Variants in HPGD observed in about 807,000 individuals in gnomAD.
The protein encoded by HPGD is 15-hydroxyprostaglandin dehydrogenase [NAD(+)].
In HPGD, 29 loss-of-function variants were observed where a neutral mutation model predicts 30.0. The observed-to-expected ratio is 0.97, with a 90% CI of 0.72 to 1.32. The LOEUF is 1.32. Among genes scored for constraint, HPGD ranks in the 40% most tolerant of loss-of-function variants. The pLI, the probability that HPGD is intolerant of heterozygous loss-of-function variation, is 0.00. For synonymous variants in HPGD, 99 were observed against 112.4 expected, an observed-to-expected ratio of 0.88 and a Z score of 0.75; for missense variants, 340 against 322.1, an observed-to-expected ratio of 1.06 and a Z score of -0.43.
intron 3 of HPGD, 143 bp from the exon 4 acceptor site, chr4:174,508,935 T>C (rs45495596): frequency 0.012 from 8,232 of 668,956 alleles, 78 homozygotes; most frequent in Non-Finnish European, 0.017. Context: ...AAGAGCTTTG[T>C]TTTTAAAGTT....
chr4:174,513,369 A>C (rs3797012), intron 3 of HPGD, among the ~76,000 whole-genome samples: 18,650 of 152,120 alleles, frequency 0.12, 1,275 homozygotes, highest in East Asian at 0.24. Flanking sequence ...TATTTTCAAA[A>C]TTTTTGTTTT....
At chr4:174,509,833 T>C (rs1171481811) in intron 3 of HPGD, among the ~76,000 whole-genome samples, 3 of 152,060 alleles carry the variant, frequency 2.0e-5, no homozygotes, top group African/African-American at 7.2e-5. Context: ...TGCTTACAGC[T>C]ATCCTTTTGA....
chr4:174,520,861 C>T (rs45513697), intron 2 of HPGD, among the ~76,000 whole-genome samples: 2,224 of 152,266 alleles, frequency 0.015, 29 homozygotes, highest in Non-Finnish European at 0.023. Context: ...TCTGCTCATG[C>T]TTGTCATCTG....
At position 174,522,355 on chromosome 4, in the gene HPGD, T is replaced by TTAC. The variant is rs70947447; in HGVS notation, c.93+1_93+3dup. On this transcript the variant is annotated splice_donor_region_variant and intron_variant, in intron 1 of 6. Coordinates refer to ENST00000296522, the MANE Select transcript of HPGD (RefSeq NM_000860.6). ...AAATTTCCGCGGCTGGGCGCCGGGC[T>TTAC]TACCTTGGCGCCCTTAAGCAGCAGC... 1.8e-3 allele frequency: 2,852 copies of TTAC among 1,558,978 alleles called. 19 individuals are homozygous for TTAC. The Middle Eastern group carries it at 0.025, about 14-fold the overall frequency.
At chr4:174,499,935 A>T (rs1450129242) in intron 4 of HPGD, among the ~76,000 whole-genome samples, 1 of 151,196 alleles carries the variant, frequency 6.6e-6, no homozygotes, top group Non-Finnish European at 1.5e-5. Flanking sequence ...TAATTCTCTC[A>T]ATTTGTCTCT....
At chr4:174,522,549 G>T, upstream of HPGD, 3 of 855,950 alleles carry the variant, frequency 3.5e-6, no homozygotes, top group Non-Finnish European at 5.1e-6. Context: ...GCAGCCCGGC[G>T]GGGCGCTCCC....
At chr4:174,520,768 C>G (rs1265232204) in intron 2 of HPGD, among the ~76,000 whole-genome samples, 1 of 152,176 alleles carries the variant, frequency 6.6e-6, no homozygotes, top group East Asian at 1.9e-4. Context: ...CTGGCTCTAT[C>G]CTTGATCCAA....
In HPGD at chr4:174,516,204, G is replaced by A. The variant is rs550348254; in HGVS notation, c.324+1767C>T. 2.6e-5 allele frequency among the ~76,000 whole-genome samples: 4 copies of A among 152,138 alleles called. No homozygotes were observed. In the South Asian group the frequency reaches 6.2e-4, roughly 24 times the overall value. ...AAGACACAGCACTAATAGGGTCATC[G>A]CAACACTATTCACAATAGCAAAGAC... is the stretch of plus-strand genomic sequence containing the variant. On this transcript the variant is annotated intron_variant, in intron 3 of 6. Transcript: ENST00000296522.
intron 3 of HPGD, among the ~76,000 whole-genome samples, chr4:174,516,918 A>T (rs1735804393): frequency 6.6e-6 from 1 of 152,208 alleles, no homozygotes; most frequent in African/African-American, 2.4e-5. Context: ...AGAGAGAGAC[A>T]AAGAAAAACA....
At chr4:174,506,093 G>C (rs1003136176) in intron 4 of HPGD, among the ~76,000 whole-genome samples, 4 of 152,084 alleles carry the variant, frequency 2.6e-5, no homozygotes, top group Admixed American at 2.0e-4. Context: ...TTAACACCTG[G>C]GGTTGGCGGG....
In HPGD at chr4:174,495,536, T is replaced by C. The variant is rs1560975819; in HGVS notation, c.498+12A>G. ...AAGAGAAAATGAGATATGACGGTTGTTGTAGCCTCACCGCTGCTGAGCGTG... is the reference window on the plus strand; with the variant it reads ...AAGAGAAAATGAGATATGACGGTTGCTGTAGCCTCACCGCTGCTGAGCGTG... On this transcript the variant is annotated intron_variant, in intron 5 of 6. Transcript: ENST00000296522. 1 of 1,593,286 alleles carries C rather than the reference T, an allele frequency of 6.3e-7. No individual in the cohort carries two copies. The highest frequency in any genetic ancestry group is 8.6e-7 in the Non-Finnish European group (1 of 1,161,002).
chr4:174,507,021 A>C lies in HPGD; in HGVS notation c.421+1675T>G, dbSNP rs554282688. On this transcript the variant is annotated intron_variant, in intron 4 of 6. Coordinates refer to ENST00000296522, the MANE Select transcript of HPGD (RefSeq NM_000860.6). ...TTTTTAAATATTTAAACTTTTAAGA[A>C]AATACTAAATATCTCTTTTTAATTC... 7 of 152,326 alleles carry C rather than the reference A, an allele frequency of 4.6e-5. No individual in the cohort carries two copies. The East Asian group carries it at 1.4e-3, about 29-fold the overall frequency. 9.4% of individuals were successfully genotyped at this position (152,326 alleles called of 1,614,324 possible). A position where few individuals can be genotyped will look rare whatever the true frequency, so the allele number is the denominator to read the frequency against.
intron 4 of HPGD, among the ~76,000 whole-genome samples, chr4:174,499,960 G>GAC (rs10659517): frequency 0.04 from 5,997 of 150,176 alleles, 180 homozygotes; most frequent in African/African-American, 0.08. Flanking sequence ...ATCTTTGTAT[G>GAC]ACACACACAC....
At position 174,493,261 on chromosome 4, in the gene HPGD, G is replaced by A; in HGVS notation, c.552C>T (p.Gly184=). The A allele has an allele frequency of 1.2e-6, 2 of 1,613,238 alleles. No individual in the cohort carries two copies. The highest frequency in any genetic ancestry group is 1.7e-4 in the Middle Eastern group (1 of 6,056). ...ATTCAAGGATGGCTGTGTTAACAAA[G>A]CCTGGACAAATGGCATTCAGTCTCA... ...SGVRLNAICP[G]FVNTAILESI... is the part of the protein sequence containing the mutation. Residue 184 remains glycine, a synonymous_variant, in exon 6 of 7, where the codon GGC becomes GGT. Transcript: ENST00000296522.
At chr4:174,497,762 G>T (rs1337324749) in intron 4 of HPGD, among the ~76,000 whole-genome samples, 1 of 151,266 alleles carries the variant, frequency 6.6e-6, no homozygotes, top group Non-Finnish European at 1.5e-5. Context: ...ATTTTTAGTA[G>T]AGATGGGGTT....
At chr4:174,503,710 G>A (rs1052348824) in intron 4 of HPGD, among the ~76,000 whole-genome samples, 1 of 147,672 alleles carries the variant, frequency 6.8e-6, no homozygotes, top group Admixed American at 6.7e-5. Flanking sequence ...CATGCTTCTG[G>A]GTTTTTTGAT....
chr4:174,519,365 C>T (rs578206171), intron 2 of HPGD, among the ~76,000 whole-genome samples: 13 of 152,190 alleles, frequency 8.5e-5, no homozygotes, highest in Admixed American at 3.9e-4. Flanking sequence ...AGGCGCCCAC[C>T]ACCACGCCCG....
chr4:174,516,066 C>A (rs1310959852), intron 3 of HPGD, among the ~76,000 whole-genome samples: 2 of 152,056 alleles, frequency 1.3e-5, no homozygotes, highest in Non-Finnish European at 2.9e-5. Context: ...AGTCAGACAC[C>A]ATGGAAAGCA....
intron 5 of HPGD, among the ~76,000 whole-genome samples, chr4:174,493,785 T>C (rs1165992053): frequency 6.6e-6 from 1 of 152,212 alleles, no homozygotes; most frequent in Non-Finnish European, 1.5e-5. Context: ...CAGACTAACA[T>C]TATTTGGCTT....
Sources: gnomAD v4.1 joint callset for allele counts (sites outside exome capture counted in the v4.1 genomes callset) on GRCh38, gnomAD v4.1.1 for gene constraint, MANE v1.5 for transcripts, NCBI Gene and HGNC (gene_info 2026-07-23, HGNC 2026-07-21) for gene names.